Variants in CNTN1 observed in about 807,000 individuals in gnomAD.
The protein encoded by CNTN1 is contactin 1.
CNTN1 carries 38 observed loss-of-function variants against 126.4 expected under a neutral mutation model. The observed-to-expected ratio is 0.30, with a 90% CI of 0.23 to 0.39. CNTN1 has a LOEUF of 0.39. Ranked by LOEUF, CNTN1 falls within the 10% of genes least tolerant of loss-of-function variation. The pLI, the probability that CNTN1 is intolerant of heterozygous loss-of-function variation, is 1.00. For missense variants in CNTN1, 1,009 were observed against 1,248.4 expected, an observed-to-expected ratio of 0.81 and a Z score of 2.89; for synonymous variants, 413 against 422.6, an observed-to-expected ratio of 0.98 and a Z score of 0.28.
chr12:40,987,138 T>G (rs1947975697), intron 16 of CNTN1, among the ~76,000 whole-genome samples: 1 of 152,140 alleles, frequency 6.6e-6, no homozygotes, highest in Non-Finnish European at 1.5e-5. Context: ...AAAAATATTT[T>G]CTGCAACAAA....
intron 1 of CNTN1, among the ~76,000 whole-genome samples, chr12:40,753,389 A>C (rs1437275296): frequency 6.6e-6 from 1 of 152,152 alleles, no homozygotes; most frequent in Non-Finnish European, 1.5e-5. Context: ...GTCAGTTTTC[A>C]TACTGCTATG....
chr12:41,028,078 C>G, intron 22 of CNTN1, 109 bp downstream of exon 22: 1 of 761,468 alleles, frequency 1.3e-6, no homozygotes, highest in South Asian at 1.5e-5. Context: ...GTCACCCAGA[C>G]CGGAGTGCAG....
At chr12:40,865,138 A>G (rs1320580171) in intron 1 of CNTN1, among the ~76,000 whole-genome samples, 1 of 152,094 alleles carries the variant, frequency 6.6e-6, no homozygotes, top group Non-Finnish European at 1.5e-5. Flanking sequence ...CCATCTGTGT[A>G]TCTTCTTTGG....
chr12:40,698,184 A>G (rs966968443), intron 1 of CNTN1, among the ~76,000 whole-genome samples: 1 of 147,322 alleles, frequency 6.8e-6, no homozygotes, highest in African/African-American at 2.5e-5. Flanking sequence ...CATGAAACCT[A>G]GCTCAGTCAG....
intron 1 of CNTN1, among the ~76,000 whole-genome samples, chr12:40,886,022 ATAGTT>A (rs1179087387): frequency 6.6e-6 from 1 of 152,074 alleles, no homozygotes; most frequent in Non-Finnish European, 1.5e-5. Context: ...AAAGAAAACT[ATAGTT>A]TAGTTTATAT....
chr12:40,855,410 T>C (rs1942870750), intron 1 of CNTN1, among the ~76,000 whole-genome samples: 1 of 152,112 alleles, frequency 6.6e-6, no homozygotes, highest in Admixed American at 6.6e-5. Flanking sequence ...ATATTTGATA[T>C]ATCTCTTGCA....
intron 1 of CNTN1, among the ~76,000 whole-genome samples, chr12:40,798,410 A>G (rs1001151800): frequency 1.8e-4 from 27 of 151,964 alleles, no homozygotes; most frequent in African/African-American, 6.5e-4. Context: ...TTTCAGACAA[A>G]CAAAGCTGCA....
chr12:40,883,526 G>C (rs1309572180), intron 1 of CNTN1, among the ~76,000 whole-genome samples: 1 of 151,440 alleles, frequency 6.6e-6, no homozygotes, highest in African/African-American at 2.4e-5. Context: ...CACAGGATAA[G>C]AGAAAAGTTT....
intron 1 of CNTN1, among the ~76,000 whole-genome samples, chr12:40,860,370 A>G (rs1943073863): frequency 6.6e-6 from 1 of 152,124 alleles, no homozygotes; most frequent in African/African-American, 2.4e-5. Flanking sequence ...CTGGACACCA[A>G]CTGGGTGTTC....
intron 1 of CNTN1, among the ~76,000 whole-genome samples, chr12:40,748,282 C>T (rs751649196): frequency 3.9e-5 from 6 of 152,002 alleles, no homozygotes; most frequent in Non-Finnish European, 8.8e-5. Flanking sequence ...AGGGTAACTC[C>T]ATTTTATTTA....
intron 23 of CNTN1, among the ~76,000 whole-genome samples, chr12:41,044,502 T>C (rs1949497344): frequency 6.6e-6 from 1 of 152,162 alleles, no homozygotes; most frequent in Non-Finnish European, 1.5e-5. Flanking sequence ...ATAAAAATTG[T>C]AAATGTTTTT....
At chr12:40,712,966 T>A (rs1941960239) in intron 1 of CNTN1, among the ~76,000 whole-genome samples, 1 of 151,992 alleles carries the variant, frequency 6.6e-6, no homozygotes, top group South Asian at 2.1e-4. Flanking sequence ...CCATGAGAGC[T>A]GGTTGTTAAA....
At chr12:40,744,634 A>G (rs1018003684) in intron 1 of CNTN1, among the ~76,000 whole-genome samples, 2 of 152,176 alleles carry the variant, frequency 1.3e-5, no homozygotes, top group Non-Finnish European at 2.9e-5. Flanking sequence ...GAATAGAAGT[A>G]GTAGTTAGAA....
intron 1 of CNTN1, among the ~76,000 whole-genome samples, chr12:40,903,294 G>A (rs1210163236): frequency 6.6e-6 from 1 of 151,978 alleles, no homozygotes; most frequent in African/African-American, 2.4e-5. Context: ...GAACAGGAAT[G>A]CACCCCCAGT....
At chr12:41,021,026 A>G (rs1427584631) in intron 20 of CNTN1, among the ~76,000 whole-genome samples, 1 of 152,190 alleles carries the variant, frequency 6.6e-6, no homozygotes. Context: ...AATCAAAACT[A>G]GAGAGATTAG....
intron 14 of CNTN1, among the ~76,000 whole-genome samples, chr12:40,951,452 CAATCTT>C (rs1304612018): frequency 6.6e-6 from 1 of 151,830 alleles, no homozygotes; most frequent in African/African-American, 2.4e-5. Flanking sequence ...GTTTTTGACT[CAATCTT>C]AATATTGATG....
rs373155654 is a variant in CNTN1, at chr12:40,885,355, C to A, written c.-76-23002C>A. ...TTAGTTCTTATAGAATCTGTTTGTT[C>A]TGTAAAGAACACCATTTTTTATGAA... is the stretch of plus-strand genomic sequence containing the variant. On this transcript the variant is annotated intron_variant, in intron 1 of 23. Transcript: ENST00000551295. Among the ~76,000 whole-genome samples, 158 of 151,970 alleles carry A rather than the reference C, an allele frequency of 1.0e-3. 4 individuals carry two copies. In the South Asian group the frequency reaches 0.031, roughly 30 times the overall value.
At chr12:40,827,136 T>C (rs1313454665) in intron 1 of CNTN1, among the ~76,000 whole-genome samples, 1 of 152,230 alleles carries the variant, frequency 6.6e-6, no homozygotes, top group South Asian at 2.1e-4. Flanking sequence ...TTTCCCTTGA[T>C]GAATATTAGC....
chr12:41,001,225 G>A (rs1053339773), intron 17 of CNTN1, among the ~76,000 whole-genome samples: 6 of 151,886 alleles, frequency 4.0e-5, no homozygotes, highest in African/African-American at 1.4e-4. Context: ...CCACAATAGT[G>A]TATAAGTGTT....
Sources: allele counts gnomAD v4.1 joint callset (sites outside exome capture counted in the v4.1 genomes callset), GRCh38; gene constraint gnomAD v4.1.1; transcripts MANE v1.5; gene names NCBI Gene and HGNC (gene_info 2026-07-23, HGNC 2026-07-21).